AHI1: variants seen among roughly 807,000 people sequenced by gnomAD.
AHI1 encodes jouberin.
Under a neutral mutation model 149.3 loss-of-function variants are expected in AHI1, and 123 were observed. That is an observed-to-expected ratio of 0.82 (90% CI 0.71 to 0.96). The LOEUF (loss-of-function observed/expected upper bound fraction) is 0.96, where lower values mean the gene tolerates loss of function less well. Ranked by LOEUF, AHI1 falls within the 40% of genes least tolerant of loss-of-function variation. AHI1 has a pLI of 0.00. For missense variants in AHI1, 1,439 were observed against 1,422.7 expected (o/e 1.01, Z -0.18); for synonymous variants, 475 against 459.8 (o/e 1.03, Z -0.42).
chr6:135,448,203 T>G (rs1221523469), intron 12 of AHI1, 87 bp downstream of exon 12: 3 of 964,214 alleles, frequency 3.1e-6, no homozygotes, highest in Non-Finnish European at 4.2e-6. Flanking sequence ...ATTAGAGGCC[T>G]TATCTTTTTA....
At position 135,341,232 on chromosome 6, in the gene AHI1, G is replaced by C. The variant is rs571952403; in HGVS notation, c.3165+16900C>G. On this transcript the variant is annotated intron_variant, in intron 24 of 28. Coordinates refer to ENST00000265602, the MANE Select transcript of AHI1 (RefSeq NM_001134831.2). ...TGTACAAGAACACTTCAGATTTAAG[G>C]ATACAAGACTGTTGAAAAATGGAAA... 2.5e-4 allele frequency among the ~76,000 whole-genome samples: 38 copies of C among 152,054 alleles called. 1 individual carries two copies. The South Asian group carries it at 7.7e-3, about 31-fold the overall frequency.
chr6:135,346,364 T>A (rs935992772), intron 24 of AHI1, among the ~76,000 whole-genome samples: 3 of 151,890 alleles, frequency 2.0e-5, no homozygotes, highest in East Asian at 1.9e-4. Flanking sequence ...CCGGCTAATT[T>A]TTTTTATTTT....
chr6:135,411,314 G>A, intron 21 of AHI1, 34 bp downstream of exon 21: 1 of 1,548,590 alleles, frequency 6.5e-7, no homozygotes, highest in South Asian at 1.1e-5. Flanking sequence ...GATAGAAATA[G>A]TTTTAAAGTT....
chr6:135,348,760 G>A (rs527590727), intron 24 of AHI1, among the ~76,000 whole-genome samples: 3 of 152,244 alleles, frequency 2.0e-5, no homozygotes, highest in South Asian at 2.1e-4. Flanking sequence ...GCAGGGTAGC[G>A]AGTCAAAAAT....
intron 13 of AHI1, among the ~76,000 whole-genome samples, chr6:135,444,050 C>G (rs1786752781): frequency 6.6e-6 from 1 of 152,208 alleles, no homozygotes; most frequent in African/African-American, 2.4e-5. Flanking sequence ...CTATCCACAA[C>G]AGACACTCAA....
intron 5 of AHI1, among the ~76,000 whole-genome samples, chr6:135,470,675 T>C (rs1791539065): frequency 6.6e-6 from 1 of 151,594 alleles, no homozygotes; most frequent in South Asian, 2.1e-4. Flanking sequence ...GGGACATGGA[T>C]AAAACGCAGG....
chr6:135,429,317 GT>G (rs1047762544), intron 18 of AHI1, among the ~76,000 whole-genome samples: 1 of 151,340 alleles, frequency 6.6e-6, no homozygotes, highest in Non-Finnish European at 1.5e-5. Flanking sequence ...TTTGTGCCAG[GT>G]AAGTATTATT....
chr6:135,462,699 G>T (rs959227034), intron 8 of AHI1, among the ~76,000 whole-genome samples: 1 of 152,066 alleles, frequency 6.6e-6, no homozygotes, highest in African/African-American at 2.4e-5. Context: ...TCATGAGTTC[G>T]AGACCAGCTT....
intron 24 of AHI1, among the ~76,000 whole-genome samples, chr6:135,348,080 A>C (rs570271904): frequency 6.6e-6 from 1 of 152,342 alleles, no homozygotes; most frequent in East Asian, 1.9e-4. Flanking sequence ...TATCTCTGTC[A>C]AAGACTAATC....
At chr6:135,351,687 T>C (rs1026241875) in intron 24 of AHI1, among the ~76,000 whole-genome samples, 57 of 152,276 alleles carry the variant, frequency 3.7e-4, no homozygotes, top group African/African-American at 1.1e-3. Flanking sequence ...GGGTTTCAAA[T>C]GACATGCAAA....
At chr6:135,305,008 G>A (rs1033986858) in intron 26 of AHI1, 2 of 152,164 alleles carry the variant, frequency 1.3e-5, no homozygotes, top group Admixed American at 6.5e-5. Flanking sequence ...GCACTGGTAA[G>A]TCACATGATT....
chr6:135,443,347 C>T (rs1162669912), intron 13 of AHI1, among the ~76,000 whole-genome samples: 1 of 152,128 alleles, frequency 6.6e-6, no homozygotes, highest in Non-Finnish European at 1.5e-5. Context: ...ATACCAGTTA[C>T]GTTTATTTAT....
chr6:135,442,437 ACTTT>A, intron 14 of AHI1, 141 bp downstream of exon 14: 2 of 846,480 alleles, frequency 2.4e-6, no homozygotes, highest in Non-Finnish European at 3.3e-6. Context: ...TTACAAAAGA[ACTTT>A]CTTTGTTTGA....
intron 24 of AHI1, 100 bp from the exon 25 acceptor site, chr6:135,323,424 G>C: frequency 7.6e-7 from 1 of 1,315,250 alleles, no homozygotes; most frequent in Non-Finnish European, 1.1e-6. Flanking sequence ...TGAAACCAAA[G>C]CAGTACTTTG....
chr6:135,427,973 A>G (rs1367068072), intron 19 of AHI1, among the ~76,000 whole-genome samples: 1 of 151,564 alleles, frequency 6.6e-6, no homozygotes, highest in Non-Finnish European at 1.5e-5. Flanking sequence ...TTACCTGACT[A>G]GTCAAAATGC....
At chr6:135,423,666 T>C (rs1293066314) in intron 20 of AHI1, among the ~76,000 whole-genome samples, 1 of 152,190 alleles carries the variant, frequency 6.6e-6, no homozygotes, top group African/African-American at 2.4e-5. Context: ...CTGAGTCTGA[T>C]TCCTGTGTTT....
chr6:135,415,096 GAAT>G (rs889696947), intron 20 of AHI1, among the ~76,000 whole-genome samples: 5 of 151,134 alleles, frequency 3.3e-5, no homozygotes, highest in Admixed American at 6.6e-5. Context: ...AGTTTGCTGA[GAAT>G]AATGATTTCC....
Position 135,292,109 on chromosome 6 carries a change from TACACACACAC to T in AHI1, c.3486-1594_3486-1585del, listed in dbSNP as rs10646107. ...ATATGTAAATATCTGGGCAGCTAAT[TACACACACAC>T]ACACACACACACACATACACAAACA... On this transcript the variant is annotated intron_variant, in intron 27 of 28. Transcript: ENST00000265602. Among the ~76,000 whole-genome samples, 6 of 148,334 alleles carry T rather than the reference TACACACACAC, an allele frequency of 4.0e-5. No individual in the cohort carries two copies. In the East Asian group the frequency reaches 9.8e-4, roughly 24 times the overall value.
chr6:135,295,861 T>A (rs1783018265), intron 27 of AHI1, among the ~76,000 whole-genome samples: 1 of 152,204 alleles, frequency 6.6e-6, no homozygotes, highest in Admixed American at 6.5e-5. Flanking sequence ...TAATTTCATT[T>A]TATTTTTTTG....
Sources: gnomAD v4.1 joint callset for allele counts (sites outside exome capture counted in the v4.1 genomes callset) on GRCh38, gnomAD v4.1.1 for gene constraint, MANE v1.5 for transcripts, NCBI Gene and HGNC (gene_info 2026-07-23, HGNC 2026-07-21) for gene names.